Variants in DHRSX observed in about 807,000 individuals in gnomAD.
DHRSX encodes the protein polyprenol dehydrogenase.
Under a neutral mutation model 34.0 loss-of-function variants are expected in DHRSX, and 31 were observed. The ratio of observed to expected loss-of-function variants is 0.91; its 90% CI spans 0.69 to 1.23. The LOEUF is 1.23. Ranked by LOEUF, DHRSX falls within the 50% of genes most tolerant of loss-of-function variation. The pLI, the probability that DHRSX is intolerant of heterozygous loss-of-function variation, is 0.00. For missense variants in DHRSX, 414 were observed against 428.1 expected (o/e 0.97, Z 0.29); for synonymous variants, 201 against 183.8 (o/e 1.09, Z -0.76).
chrX:2,228,721 A>T lies in DHRSX; in HGVS notation c.805-7492T>A, dbSNP rs772451304. On this transcript the variant is annotated intron_variant, in intron 6 of 6. Transcript: ENST00000334651. Reference sequence around the variant, plus strand: ...TAGCAAATCCCTTTTGTGTCATTCAAACCACGATTTCCTTTTTGTTAGAGC... The same window carrying T: ...TAGCAAATCCCTTTTGTGTCATTCATACCACGATTTCCTTTTTGTTAGAGC... Among the ~76,000 whole-genome samples, 54 of 152,134 alleles carry T rather than the reference A, an allele frequency of 3.5e-4. No homozygotes were observed. The South Asian group carries it at 0.011, about 31-fold the overall frequency.
chrX:2,419,171 G>A (rs1438631872), intron 2 of DHRSX, among the ~76,000 whole-genome samples: 2 of 152,142 alleles, frequency 1.3e-5, no homozygotes, highest in African/African-American at 2.4e-5. Context: ...TTGGGAGGCG[G>A]AGGCTTTGCG....
intron 5 of DHRSX, among the ~76,000 whole-genome samples, chrX:2,251,333 A>G (rs2016429397): frequency 6.6e-6 from 1 of 152,196 alleles, no homozygotes; most frequent in South Asian, 2.1e-4. Flanking sequence ...CCCACAATTT[A>G]ACCTAAGTAT....
intron 1 of DHRSX, among the ~76,000 whole-genome samples, chrX:2,491,362 GCC>G (rs1451623050): frequency 6.6e-6 from 1 of 152,174 alleles, no homozygotes; most frequent in East Asian, 1.9e-4. Context: ...GAGTCACCGC[GCC>G]CAGCCTGACA....
chrX:2,462,786 T>C (rs2044421374), intron 1 of DHRSX, among the ~76,000 whole-genome samples: 1 of 151,558 alleles, frequency 6.6e-6, no homozygotes, highest in Non-Finnish European at 1.5e-5. Flanking sequence ...TGTCTCCTCC[T>C]TCTTGGAAAA....
intron 4 of DHRSX, among the ~76,000 whole-genome samples, chrX:2,273,161 C>T (rs1234710192): frequency 1.3e-5 from 2 of 152,046 alleles, no homozygotes; most frequent in Admixed American, 6.6e-5. Flanking sequence ...CCACTGCACT[C>T]CAGCCTGGGT....
At chrX:2,385,580 C>T (rs1157879374) in intron 3 of DHRSX, among the ~76,000 whole-genome samples, 1 of 152,128 alleles carries the variant, frequency 6.6e-6, no homozygotes, top group Admixed American at 6.6e-5. Context: ...GCATCTCCTG[C>T]ATTCCGGCTG....
At chrX:2,445,673 T>C (rs936145448) in intron 1 of DHRSX, among the ~76,000 whole-genome samples, 1 of 151,780 alleles carries the variant, frequency 6.6e-6, no homozygotes, top group African/African-American at 2.4e-5. Flanking sequence ...ACTGAAGATG[T>C]TCCCTAACAA....
chrX:2,326,694 C>G (rs73187641), intron 3 of DHRSX, among the ~76,000 whole-genome samples: 22,695 of 152,082 alleles, frequency 0.15, 2,141 homozygotes, highest in Admixed American at 0.22. Context: ...CCTAGGGAGA[C>G]AGTAGCATTT....
intron 6 of DHRSX, among the ~76,000 whole-genome samples, chrX:2,232,118 C>T (rs1202257003): frequency 1.3e-5 from 2 of 150,628 alleles, no homozygotes; most frequent in Non-Finnish European, 3.0e-5. Context: ...CTCTCCCTTC[C>T]CTTCCTCCTC....
At chrX:2,297,707 GC>G (rs2041950353) in intron 3 of DHRSX, among the ~76,000 whole-genome samples, 1 of 151,194 alleles carries the variant, frequency 6.6e-6, no homozygotes, top group Admixed American at 6.6e-5. Context: ...TCATACTGCT[GC>G]CCAAAATGCT....
At chrX:2,235,963 T>C (rs1355695633) in intron 6 of DHRSX, among the ~76,000 whole-genome samples, 1 of 149,752 alleles carries the variant, frequency 6.7e-6, no homozygotes, top group Non-Finnish European at 1.5e-5. Flanking sequence ...AATATAAAAA[T>C]TAGCTGGGTG....
intron 3 of DHRSX, among the ~76,000 whole-genome samples, chrX:2,386,242 C>T (rs377448358): frequency 1.1e-4 from 17 of 151,582 alleles, no homozygotes; most frequent in Non-Finnish European, 1.9e-4. Flanking sequence ...GACAGAGAGA[C>T]GGAGTCTTGC....
chrX:2,480,469 G>T (rs2124048646), intron 1 of DHRSX, among the ~76,000 whole-genome samples: 1 of 150,328 alleles, frequency 6.7e-6, no homozygotes, highest in East Asian at 2.0e-4. Flanking sequence ...ATCACTGGAG[G>T]CCAAGAGTTT....
intron 6 of DHRSX, among the ~76,000 whole-genome samples, chrX:2,234,106 C>G (rs1485894933): frequency 1.3e-5 from 2 of 152,234 alleles, no homozygotes; most frequent in African/African-American, 2.4e-5. Context: ...CTATCATGAG[C>G]CCTGATCCAT....
At chrX:2,495,648 C>CCCTCCTTCCTCCTTCCTCCTT (rs764923016) in intron 1 of DHRSX, among the ~76,000 whole-genome samples, 31 of 152,094 alleles carry the variant, frequency 2.0e-4, no homozygotes, top group Admixed American at 1.4e-3. Context: ...GCAGTGAGTA[C>CCCTCCTTCCTCCTTCCTCCTT]CCTCCTTCCT....
chrX:2,335,913 G>A (rs1461788617), intron 3 of DHRSX, among the ~76,000 whole-genome samples: 19 of 152,020 alleles, frequency 1.2e-4, no homozygotes, highest in Non-Finnish European at 2.5e-4. Context: ...GAACTTAGGC[G>A]ACATCCATGG....
At chrX:2,380,187 C>T (rs140523304) in intron 3 of DHRSX, among the ~76,000 whole-genome samples, 1 of 148,992 alleles carries the variant, frequency 6.7e-6, no homozygotes, top group African/African-American at 2.5e-5. Context: ...CCCAGCTACT[C>T]GGGAGGCTGA....
intron 1 of DHRSX, among the ~76,000 whole-genome samples, chrX:2,480,740 G>A (rs766611843): frequency 2.0e-5 from 3 of 152,182 alleles, no homozygotes; most frequent in Admixed American, 1.3e-4. Context: ...GGTCACCTGA[G>A]CCAGGAGTTG....
At chrX:2,241,718 G>A (rs2016145366) in intron 6 of DHRSX, among the ~76,000 whole-genome samples, 1 of 152,080 alleles carries the variant, frequency 6.6e-6, no homozygotes, top group Non-Finnish European at 1.5e-5. Context: ...TGACCAGCCT[G>A]GTCAGCGTGA....
Sources: gnomAD v4.1 joint callset for allele counts (sites outside exome capture counted in the v4.1 genomes callset) on GRCh38, gnomAD v4.1.1 for gene constraint, MANE v1.5 for transcripts, NCBI Gene and HGNC (gene_info 2026-07-23, HGNC 2026-07-21) for gene names.